The following KCNH1 variants were observed in gnomAD, a reference collection of about 807,000 sequenced individuals.
KCNH1 encodes potassium voltage-gated channel subfamily H member 1.
In KCNH1, 27 loss-of-function variants were observed where a neutral mutation model predicts 69.2. That is an observed-to-expected ratio of 0.39 (90% CI 0.29 to 0.54). The LOEUF is 0.54. Among genes scored for constraint, KCNH1 ranks in the 20% least tolerant of loss-of-function variants. KCNH1 has a pLI of 0.68. For synonymous variants in KCNH1, 456 were observed against 487.7 expected, an observed-to-expected ratio of 0.93 and a Z score of 0.86; for missense variants, 798 against 1,261.6, an observed-to-expected ratio of 0.63 and a Z score of 5.57.
chr1:210,761,183 C>T (rs1298285147), intron 10 of KCNH1, among the ~76,000 whole-genome samples: 2 of 122,732 alleles, frequency 1.6e-5, no homozygotes, highest in African/African-American at 3.0e-5. Flanking sequence ...ACCCGGGAGG[C>T]GGAGCTTGCA....
intron 10 of KCNH1, among the ~76,000 whole-genome samples, chr1:210,701,183 C>T (rs34548083): frequency 0.065 from 9,928 of 152,098 alleles, 457 homozygotes; most frequent in Middle Eastern, 0.11. Flanking sequence ...GTGATCTGCC[C>T]GCCTCAGCCT....
At chr1:211,067,346 A>C (rs1690550773) in intron 5 of KCNH1, among the ~76,000 whole-genome samples, 1 of 152,172 alleles carries the variant, frequency 6.6e-6, no homozygotes, top group African/African-American at 2.4e-5. Flanking sequence ...TTCCTAAGGG[A>C]CAGAAAGCTG....
chr1:210,988,136 G>A (rs1037192866), intron 6 of KCNH1, among the ~76,000 whole-genome samples: 21 of 152,186 alleles, frequency 1.4e-4, no homozygotes, highest in East Asian at 5.8e-4. Flanking sequence ...TTGGAAAAGC[G>A]CAGTATTAGG....
chr1:210,873,128 G>T (rs1379835121), intron 7 of KCNH1, among the ~76,000 whole-genome samples: 2 of 152,010 alleles, frequency 1.3e-5, no homozygotes, highest in African/African-American at 4.8e-5. Context: ...TCTACTGGTG[G>T]TAGATTAAAT....
At chr1:210,757,354 CTCTTCT>C (rs1293074641) in intron 10 of KCNH1, among the ~76,000 whole-genome samples, 1 of 152,192 alleles carries the variant, frequency 6.6e-6, no homozygotes, top group Non-Finnish European at 1.5e-5. Flanking sequence ...GACTGGGTTT[CTCTTCT>C]AGTCAGGTAA....
chr1:210,754,535 C>T (rs1683352250), intron 10 of KCNH1, among the ~76,000 whole-genome samples: 1 of 150,926 alleles, frequency 6.6e-6, no homozygotes, highest in Non-Finnish European at 1.5e-5. Flanking sequence ...GGGTGGATCC[C>T]TCATGGATTG....
chr1:210,853,690 G>GATTT (rs753025712), intron 7 of KCNH1, among the ~76,000 whole-genome samples: 3 of 152,152 alleles, frequency 2.0e-5, no homozygotes, highest in Non-Finnish European at 4.4e-5. Flanking sequence ...ATCCTTGGAA[G>GATTT]ATTTATCAGG....
intron 9 of KCNH1, among the ~76,000 whole-genome samples, chr1:210,788,917 C>G (rs1392185688): frequency 1.3e-5 from 2 of 151,370 alleles, no homozygotes; most frequent in African/African-American, 4.9e-5. Flanking sequence ...GGGATGGTCT[C>G]GATCTCCTGA....
chr1:210,923,825 G>A (rs531639181), intron 6 of KCNH1, among the ~76,000 whole-genome samples: 1 of 152,320 alleles, frequency 6.6e-6, no homozygotes, highest in African/African-American at 2.4e-5. Context: ...TATTCAACAT[G>A]TATTGTGTTG....
chr1:210,960,824 C>T (rs1293235294), intron 6 of KCNH1, among the ~76,000 whole-genome samples: 1 of 152,156 alleles, frequency 6.6e-6, no homozygotes, highest in Non-Finnish European at 1.5e-5. Context: ...AAAGAAACAT[C>T]CAAACTGTTT....
chr1:210,979,405 A>G (rs1688671885), intron 6 of KCNH1, among the ~76,000 whole-genome samples: 1 of 152,222 alleles, frequency 6.6e-6, no homozygotes, highest in Admixed American at 6.5e-5. Flanking sequence ...TTTTTTAGGA[A>G]GAGGATTTGC....
chr1:210,962,143 C>T (rs1688306119), intron 6 of KCNH1, among the ~76,000 whole-genome samples: 1 of 152,196 alleles, frequency 6.6e-6, no homozygotes, highest in Non-Finnish European at 1.5e-5. Context: ...CCTACCTATA[C>T]TCCTAGTTCC....
At chr1:211,115,700 C>CATATATATATATATATAT (rs1558611335) in intron 1 of KCNH1, among the ~76,000 whole-genome samples, 11 of 53,950 alleles carry the variant, frequency 2.0e-4, no homozygotes, top group South Asian at 5.9e-4. Context: ...AATAAACTCC[C>CATATATATATATATATAT]CTATATATAT....
At chr1:210,948,739 A>G (rs1383114431) in intron 6 of KCNH1, among the ~76,000 whole-genome samples, 2 of 151,978 alleles carry the variant, frequency 1.3e-5, no homozygotes, top group African/African-American at 4.8e-5. Flanking sequence ...AGGCTAAGGC[A>G]GGAGAATGGC....
chr1:210,728,283 G>A (rs560855521), intron 10 of KCNH1, among the ~76,000 whole-genome samples: 1 of 152,264 alleles, frequency 6.6e-6, no homozygotes, highest in African/African-American at 2.4e-5. Context: ...TGGAGCCTGA[G>A]ACCACATGAA....
intron 3 of KCNH1, among the ~76,000 whole-genome samples, chr1:211,099,461 G>T (rs17267428): frequency 0.21 from 32,444 of 151,976 alleles, 3,648 homozygotes; most frequent in Non-Finnish European, 0.23. Flanking sequence ...GCTTTAAAAT[G>T]CTGAATGTTT....
intron 5 of KCNH1, among the ~76,000 whole-genome samples, chr1:211,064,250 A>T (rs1235113899): frequency 6.6e-6 from 1 of 152,190 alleles, no homozygotes; most frequent in Non-Finnish European, 1.5e-5. Flanking sequence ...TATTATATTG[A>T]TGAGTGGGTT....
At chr1:211,003,230 T>C (rs920762318) in intron 6 of KCNH1, among the ~76,000 whole-genome samples, 1 of 152,142 alleles carries the variant, frequency 6.6e-6, no homozygotes, top group African/African-American at 2.4e-5. Context: ...CCTCTAAATC[T>C]ACACTTTGCT....
chr1:210,887,982 T>C (rs1686654040), intron 7 of KCNH1, among the ~76,000 whole-genome samples: 1 of 152,094 alleles, frequency 6.6e-6, no homozygotes, highest in African/African-American at 2.4e-5. Context: ...AACACCCCAT[T>C]GTCAATATTA....
Sources: allele counts gnomAD v4.1 joint callset (sites outside exome capture counted in the v4.1 genomes callset), GRCh38; gene constraint gnomAD v4.1.1; transcripts MANE v1.5; gene names NCBI Gene and HGNC (gene_info 2026-07-23, HGNC 2026-07-21).